TANK: variants seen among roughly 807,000 people sequenced by gnomAD.
TANK encodes the protein TRAF family member-associated NF-kappa-B activator.
Under a neutral mutation model 43.6 loss-of-function variants are expected in TANK, and 15 were observed. The ratio of observed to expected loss-of-function variants is 0.34; its 90% CI spans 0.23 to 0.53. The LOEUF (loss-of-function observed/expected upper bound fraction) is 0.53, where lower values mean the gene tolerates loss of function less well. TANK is among the 20% of genes least tolerant of loss of function. TANK has a pLI of 0.94. For synonymous variants in TANK, 162 were observed against 178.2 expected (o/e 0.91, Z 0.73); for missense variants, 417 against 498.6 (o/e 0.84, Z 1.56).
chr2:161,205,892 C>T (rs930759097), intron 4 of TANK, among the ~76,000 whole-genome samples: 2 of 152,150 alleles, frequency 1.3e-5, no homozygotes, highest in African/African-American at 4.8e-5. Context: ...CAACCTCCAC[C>T]TCCTGGGTTC....
intron 1 of TANK, among the ~76,000 whole-genome samples, chr2:161,152,834 T>C (rs1684116941): frequency 6.6e-6 from 1 of 152,248 alleles, no homozygotes; most frequent in African/African-American, 2.4e-5. Context: ...TCAATTGTCT[T>C]AAATATGCCC....
chr2:161,189,083 TCTG>T (rs759571484), intron 2 of TANK, among the ~76,000 whole-genome samples: 32 of 152,196 alleles, frequency 2.1e-4, no homozygotes, highest in Non-Finnish European at 3.5e-4. Context: ...CCTCAGGTAT[TCTG>T]CTATAGCAGC....
At chr2:161,196,962 A>G (rs1315142794) in intron 2 of TANK, among the ~76,000 whole-genome samples, 2 of 152,200 alleles carry the variant, frequency 1.3e-5, no homozygotes, top group Non-Finnish European at 2.9e-5. Context: ...CATGATGATA[A>G]TGTGTTGCTG....
intron 2 of TANK, among the ~76,000 whole-genome samples, chr2:161,195,145 T>A (rs910247464): frequency 6.6e-6 from 1 of 152,142 alleles, no homozygotes; most frequent in Non-Finnish European, 1.5e-5. Flanking sequence ...TCAAGGAGAT[T>A]GGTTAATAAA....
At chr2:161,197,898 C>A (rs2105333640) in intron 2 of TANK, among the ~76,000 whole-genome samples, 1 of 152,256 alleles carries the variant, frequency 6.6e-6, no homozygotes, top group South Asian at 2.1e-4. Flanking sequence ...TCACCCCTGG[C>A]TCCCCCAGAT....
chr2:161,235,446 T>G lies in TANK; in HGVS notation c.1206T>G (p.Val402=), dbSNP rs1688134029. The G allele has an allele frequency of 1.9e-6, 3 of 1,613,942 alleles. No homozygotes were observed. Among genetic ancestry groups the G allele is most frequent in the Non-Finnish European group, 2.5e-6 (3 of 1,179,964 alleles). Residue 402 remains valine (V), a synonymous_variant, in exon 8 of 8, where the codon GTT becomes GTG. Coordinates refer to ENST00000392749, the MANE Select transcript of TANK (RefSeq NM_001199135.3). The part of the protein sequence containing the change: ...IPRVCEFCQA[V]FPPSITSRGD... ...GAGTATGTGAATTCTGTCAAGCAGT[T>G]TTCCCACCATCCATTACATCCAGGG... is the stretch of plus-strand genomic sequence containing the variant.
intron 2 of TANK, among the ~76,000 whole-genome samples, chr2:161,195,478 C>A (rs556533165): frequency 6.6e-6 from 1 of 152,016 alleles, no homozygotes; most frequent in Non-Finnish European, 1.5e-5. Flanking sequence ...GTTCAAGGAC[C>A]TGCATTGTAA....
chr2:161,180,553 G>C (rs911528763), intron 2 of TANK, among the ~76,000 whole-genome samples: 1 of 152,076 alleles, frequency 6.6e-6, no homozygotes, highest in Non-Finnish European at 1.5e-5. Context: ...TACGATCAAA[G>C]TAAAGAGCAG....
chr2:161,152,921 G>A (rs1684119294), intron 1 of TANK, among the ~76,000 whole-genome samples: 1 of 152,084 alleles, frequency 6.6e-6, no homozygotes, highest in Non-Finnish European at 1.5e-5. Context: ...AGTTCATTGA[G>A]CAACTTGAAT....
chr2:161,233,833 T>C (rs1479233120), intron 7 of TANK, among the ~76,000 whole-genome samples: 1 of 152,112 alleles, frequency 6.6e-6, no homozygotes, highest in Non-Finnish European at 1.5e-5. Flanking sequence ...AATTTCCCAT[T>C]ACAGTGATTT....
intron 4 of TANK, chr2:161,208,158 C>T (rs1686729812): frequency 1.0e-6 from 1 of 985,034 alleles, no homozygotes; most frequent in African/African-American, 1.7e-5. Flanking sequence ...AAGGGAAAGA[C>T]TTGTGGACAT....
chr2:161,178,408 ATGTAT>A (rs1685262738), intron 1 of TANK, among the ~76,000 whole-genome samples: 1 of 151,986 alleles, frequency 6.6e-6, no homozygotes, highest in Admixed American at 6.6e-5. Flanking sequence ...CACAAAAACC[ATGTAT>A]TGTATTATTC....
At chr2:161,141,792 T>C (rs559721349) in intron 1 of TANK, among the ~76,000 whole-genome samples, 2 of 152,296 alleles carry the variant, frequency 1.3e-5, no homozygotes, top group South Asian at 4.1e-4. Flanking sequence ...ACGAAACATA[T>C]GTGTGCATGT....
chr2:161,218,126 T>C (rs2105372268), intron 4 of TANK, among the ~76,000 whole-genome samples: 1 of 152,298 alleles, frequency 6.6e-6, no homozygotes, highest in Middle Eastern at 3.4e-3. Flanking sequence ...TATTTTTGGA[T>C]GTACATTTCT....
intron 7 of TANK, among the ~76,000 whole-genome samples, chr2:161,234,104 C>T (rs756845524): frequency 2.4e-4 from 36 of 152,142 alleles, no homozygotes; most frequent in Non-Finnish European, 4.1e-4. Flanking sequence ...CCTAGACAGA[C>T]GTTGTATATT....
chr2:161,137,049 T>TAACC, exon 1 of TANK: 2 of 985,440 alleles, frequency 2.0e-6, no homozygotes, highest in Non-Finnish European at 2.4e-6. Flanking sequence ...GGAAGACTTG[T>TAACC]AACCTGGAGA....
At chr2:161,145,341 T>C (rs1207267525) in intron 1 of TANK, among the ~76,000 whole-genome samples, 3 of 151,862 alleles carry the variant, frequency 2.0e-5, no homozygotes, top group African/African-American at 7.3e-5. Flanking sequence ...GTTAATAATG[T>C]TATATGTGAA....
chr2:161,232,702 C>T (rs753225862), intron 7 of TANK: 1 of 1,534,098 alleles, frequency 6.5e-7, no homozygotes, highest in Admixed American at 2.1e-5. Context: ...ACTTTTTTCT[C>T]TATTATATGT....
At chr2:161,193,088 A>G (rs1257415640) in intron 2 of TANK, among the ~76,000 whole-genome samples, 1 of 152,188 alleles carries the variant, frequency 6.6e-6, no homozygotes, top group African/African-American at 2.4e-5. Context: ...CTCATCCTTC[A>G]ATTTATCATG....
Sources: gnomAD v4.1 joint callset for allele counts (sites outside exome capture counted in the v4.1 genomes callset) on GRCh38, gnomAD v4.1.1 for gene constraint, MANE v1.5 for transcripts, NCBI Gene and HGNC (gene_info 2026-07-23, HGNC 2026-07-21) for gene names.